TPH2: variants seen among roughly 807,000 people sequenced by gnomAD.
TPH2 encodes tryptophan hydroxylase 2.
A neutral mutation model predicts 59.1 loss-of-function variants in TPH2; 27 were observed. The observed-to-expected ratio is 0.46, with a 90% CI of 0.34 to 0.63. The LOEUF (loss-of-function observed/expected upper bound fraction) is 0.63, where lower values mean the gene tolerates loss of function less well. Ranked by LOEUF, TPH2 falls within the 30% of genes least tolerant of loss-of-function variation. The probability of loss-of-function intolerance (pLI) is 0.01; values close to 1 mark genes in which losing one functional copy is unlikely to be tolerated. For synonymous variants in TPH2, 220 were observed against 210.5 expected (o/e 1.05, Z -0.39); for missense variants, 523 against 588.3 (o/e 0.89, Z 1.15).
intron 7 of TPH2, among the ~76,000 whole-genome samples, chr12:71,979,715 C>T (rs1217131356): frequency 6.6e-6 from 1 of 152,200 alleles, no homozygotes; most frequent in East Asian, 1.9e-4. Context: ...TGATGCTATA[C>T]TGCTCTGACA....
In TPH2 at chr12:71,959,735, G is replaced by A. The variant is rs185458749; in HGVS notation, c.608+10080G>A. ...CGAATCTTAATTGGAAGCATAACAA[G>A]TAGAAGGTAGAGGAAGAATGGAAGG... is the stretch of plus-strand genomic sequence containing the variant. On this transcript the variant is annotated intron_variant, in intron 5 of 10. Coordinates refer to ENST00000333850, the MANE Select transcript of TPH2 (RefSeq NM_173353.4). Among the ~76,000 whole-genome samples, 524 of 152,234 alleles carry A rather than the reference G, an allele frequency of 3.4e-3. 5 individuals carry two copies. Among genetic ancestry groups the A allele is most frequent in the African/African-American group, 0.012 (498 of 41,542 alleles).
chr12:72,023,817 G>T (rs1422689790), intron 9 of TPH2, among the ~76,000 whole-genome samples: 1 of 27,196 alleles, frequency 3.7e-5, no homozygotes, highest in Non-Finnish European at 1.0e-4. Flanking sequence ...AGGAGACTCT[G>T]ACAGAAAAAA....
At chr12:71,966,484 A>C (rs2171363) in intron 5 of TPH2, among the ~76,000 whole-genome samples, 1 of 152,008 alleles carries the variant, frequency 6.6e-6, no homozygotes, top group Non-Finnish European at 1.5e-5. Flanking sequence ...GTCAATCAAG[A>C]CAGAAACACC....
At chr12:71,959,924 C>A (rs144456830) in intron 5 of TPH2, among the ~76,000 whole-genome samples, 1 of 151,960 alleles carries the variant, frequency 6.6e-6, no homozygotes, top group Non-Finnish European at 1.5e-5. Context: ...TTTTTCCTTT[C>A]GCTGCCCTTT....
At chr12:72,025,629 G>A (rs1253557175) in intron 9 of TPH2, among the ~76,000 whole-genome samples, 1 of 152,094 alleles carries the variant, frequency 6.6e-6, no homozygotes, top group Non-Finnish European at 1.5e-5. Flanking sequence ...AGCAATGGTT[G>A]CCCCTCTCTT....
At chr12:72,009,797 C>T (rs1472416420) in intron 8 of TPH2, among the ~76,000 whole-genome samples, 1 of 152,182 alleles carries the variant, frequency 6.6e-6, no homozygotes, top group Non-Finnish European at 1.5e-5. Context: ...CTGGCACACA[C>T]CAAGCTCAAC....
chr12:71,989,590 A>G (rs998167216), intron 7 of TPH2, among the ~76,000 whole-genome samples: 1 of 152,246 alleles, frequency 6.6e-6, no homozygotes, highest in Non-Finnish European at 1.5e-5. Flanking sequence ...ACAGATGTGC[A>G]GATTTTGGAT....
chr12:71,979,098 A>T lies in TPH2; in HGVS notation c.941+11A>T. On this transcript the variant is annotated intron_variant, in intron 7 of 10. Coordinates refer to ENST00000333850, the MANE Select transcript of TPH2 (RefSeq NM_173353.4). ...CTACACCCCAGAACCGTGAGTACCT[A>T]CATTAAAGCCCAGGCCACCACACCA... The T allele has an allele frequency of 6.2e-7, 1 of 1,614,124 alleles. No individual in the cohort carries two copies. Among genetic ancestry groups the T allele is most frequent in the Non-Finnish European group, 8.5e-7 (1 of 1,179,998 alleles).
chr12:72,026,562 A>T (rs1873573263), intron 9 of TPH2, among the ~76,000 whole-genome samples: 1 of 152,190 alleles, frequency 6.6e-6, no homozygotes, highest in African/African-American at 2.4e-5. Context: ...GTGTGACTAG[A>T]GTAAGGACTC....
chr12:71,999,199 T>C (rs1419123603), intron 8 of TPH2, among the ~76,000 whole-genome samples: 1 of 152,208 alleles, frequency 6.6e-6, no homozygotes, highest in African/African-American at 2.4e-5. Context: ...TATATTTCTA[T>C]AGAATATTTA....
chr12:71,969,251 C>G (rs1395156982), intron 5 of TPH2, among the ~76,000 whole-genome samples: 1 of 152,142 alleles, frequency 6.6e-6, no homozygotes, highest in Non-Finnish European at 1.5e-5. Context: ...CCACTGCACT[C>G]CAGCCTGGGC....
At chr12:71,958,719 G>A (rs1298194837) in intron 5 of TPH2, among the ~76,000 whole-genome samples, 10 of 152,332 alleles carry the variant, frequency 6.6e-5, no homozygotes, top group African/African-American at 1.7e-4. Context: ...AATAAACACA[G>A]CTGGGCTGAG....
In TPH2 at chr12:71,944,687, G is replaced by C. The variant is rs1269140118; in HGVS notation, c.540+1G>C. 2 of 1,613,380 alleles carry C rather than the reference G, an allele frequency of 1.2e-6. No individual in the cohort carries two copies. Among genetic ancestry groups the C allele is most frequent in the Non-Finnish European group, 1.7e-6 (2 of 1,179,400 alleles). On this transcript the variant is annotated splice_donor_variant, in intron 4 of 10. Coordinates refer to ENST00000333850, the MANE Select transcript of TPH2 (RefSeq NM_173353.4). LOFTEE classifies it high-confidence loss of function. The stretch of plus-strand genomic sequence containing the variant: ...TTCTGAGCTTGATGCTGACCACCCA[G>C]TAAGTGTCCAGTAAAATCTATTTCT...
Position 72,030,937 on chromosome 12 carries a change from T to TA in TPH2, c.1165-317dup, listed in dbSNP as rs1873704369. On this transcript the variant is annotated intron_variant, in intron 9 of 10. Transcript: ENST00000333850. The stretch of plus-strand genomic sequence containing the variant: ...CCTGCTTCTATTCATAGCATAGATT[T>TA]AAAATCCCATTTCTGTGGGGGAATA... Among the ~76,000 whole-genome samples, 6 of 152,294 alleles carry TA rather than the reference T, an allele frequency of 3.9e-5. 1 individual carries two copies. Among genetic ancestry groups the TA allele is most frequent in the African/African-American group, 1.4e-4 (6 of 41,578 alleles).
At chr12:72,015,203 C>A (rs375348084) in intron 8 of TPH2, among the ~76,000 whole-genome samples, 1 of 150,888 alleles carries the variant, frequency 6.6e-6, no homozygotes, top group African/African-American at 2.4e-5. Context: ...TAAGTGTATA[C>A]ATTGACATAC....
intron 5 of TPH2, among the ~76,000 whole-genome samples, chr12:71,969,239 C>A (rs1463500627): frequency 6.6e-6 from 1 of 152,120 alleles, no homozygotes; most frequent in Non-Finnish European, 1.5e-5. Context: ...GCCGGGATTA[C>A]ACCACTGCAC....
intron 6 of TPH2, among the ~76,000 whole-genome samples, chr12:71,974,030 C>G (rs934762698): frequency 7.2e-5 from 11 of 152,114 alleles, no homozygotes; most frequent in African/African-American, 2.4e-4. Context: ...TTTCCTTGTG[C>G]TTAAGTCCTT....
chr12:71,944,821 C>A, intron 4 of TPH2, 135 bp downstream of exon 4: 2 of 870,910 alleles, frequency 2.3e-6, no homozygotes, highest in Admixed American at 2.0e-5. Context: ...TGAGAGCAGA[C>A]TTCCAAATGA....
intron 6 of TPH2, among the ~76,000 whole-genome samples, chr12:71,976,688 G>A (rs1245075574): frequency 1.3e-5 from 2 of 152,158 alleles, no homozygotes; most frequent in African/African-American, 2.4e-5. Context: ...AGTGCTGTGC[G>A]AATTATGGGT....
Sources: allele counts gnomAD v4.1 joint callset (sites outside exome capture counted in the v4.1 genomes callset), GRCh38; gene constraint gnomAD v4.1.1; transcripts MANE v1.5; gene names NCBI Gene and HGNC (gene_info 2026-07-23, HGNC 2026-07-21).